Variants in ISCA1 observed in about 807,000 individuals in gnomAD.
The protein encoded by ISCA1 is iron-sulfur cluster assembly 1 homolog, mitochondrial.
ISCA1 carries 9 observed loss-of-function variants against 14.7 expected under a neutral mutation model. The observed-to-expected ratio is 0.61, with a 90% CI of 0.37 to 1.07. The LOEUF (loss-of-function observed/expected upper bound fraction) is 1.07. ISCA1 is among the 50% of genes least tolerant of loss of function. ISCA1 has a pLI of 0.01. For synonymous variants in ISCA1, 38 were observed against 54.3 expected, an observed-to-expected ratio of 0.70 and a Z score of 1.32; for missense variants, 102 against 150.1, an observed-to-expected ratio of 0.68 and a Z score of 1.67.
intron 1 of ISCA1, among the ~76,000 whole-genome samples, 187 bp from the exon 2 acceptor site, chr9:86,274,429 T>TA (rs202002275): frequency 1.7e-3 from 256 of 150,394 alleles, no homozygotes; most frequent in African/African-American, 5.8e-3. Context: ...CCTCTTTATT[T>TA]AAAAAAAAAA....
intron 2 of ISCA1, 120 bp from the exon 3 acceptor site, chr9:86,272,232 C>G: frequency 1.4e-6 from 1 of 693,272 alleles, no homozygotes; most frequent in Non-Finnish European, 2.6e-6. Context: ...TTTTGTAGGA[C>G]AGGGTCTCAC....
At position 86,265,751 on chromosome 9, in the gene ISCA1, C is replaced by G; in HGVS notation, c.*292G>C. On this transcript the variant is annotated 3_prime_UTR_variant, in exon 4 of 4. Coordinates refer to ENST00000375991, the MANE Select transcript of ISCA1 (RefSeq NM_030940.4). ...GCCATCAATAGCGATCTAAGGAGTG[C>G]ACACAGTTCAGGAAATGGATAAACA... 2.2e-6 allele frequency: 1 copy of G among 457,984 alleles called. No individual in the cohort carries two copies. Among genetic ancestry groups the G allele is most frequent in the Non-Finnish European group, 4.1e-6 (1 of 243,266 alleles). 28.4% of individuals were successfully genotyped at this position (457,984 alleles called of 1,614,324 possible).
At chr9:86,280,512 T>G (rs982899612) in intron 1 of ISCA1, among the ~76,000 whole-genome samples, 1 of 150,208 alleles carries the variant, frequency 6.7e-6, no homozygotes, top group Non-Finnish European at 1.5e-5. Context: ...AGAGAGTTGC[T>G]TGAACTCAGT....
intron 3 of ISCA1, 77 bp downstream of exon 3, chr9:86,271,930 T>C (rs564926059): frequency 5.2e-6 from 4 of 772,672 alleles, no homozygotes; most frequent in African/African-American, 1.8e-5. Context: ...ACTATCCTTA[T>C]TTTTTACTTT....
intron 3 of ISCA1, among the ~76,000 whole-genome samples, chr9:86,271,676 T>C (rs1417595793): frequency 6.6e-6 from 1 of 152,226 alleles, no homozygotes; most frequent in Non-Finnish European, 1.5e-5. Flanking sequence ...CTTTCATAGT[T>C]AAAACAAGCT....
chr9:86,277,681 T>A (rs1483484722), intron 1 of ISCA1, among the ~76,000 whole-genome samples: 1 of 152,140 alleles, frequency 6.6e-6, no homozygotes, highest in Non-Finnish European at 1.5e-5. Flanking sequence ...CCAGAACAAC[T>A]AAGAAACATG....
Position 86,266,142 on chromosome 9 carries a change from T to C in ISCA1, c.291A>G (p.Thr97=), listed in dbSNP as rs760856594. ...ATTTGTCTTCAACATAGTCCATTTC[T>C]GTTCCTAAAAGTGTTAGCTGTGCTT... ...EKKAQLTLLG[T]EMDYVEDKLS... is the part of the protein sequence containing the mutation. The change falls in exon 4 of 4, where the codon ACA becomes ACG. Residue 97 remains threonine (T), a synonymous_variant. Transcript: ENST00000375991. The C allele has an allele frequency of 2.5e-6, 4 of 1,612,452 alleles. No homozygotes were observed. The highest frequency in any genetic ancestry group is 3.4e-6 in the Non-Finnish European group (4 of 1,179,396).
At chr9:86,270,071 C>G (rs1383211244) in intron 3 of ISCA1, among the ~76,000 whole-genome samples, 2 of 151,254 alleles carry the variant, frequency 1.3e-5, no homozygotes, top group African/African-American at 4.9e-5. Context: ...GCAATGGCAA[C>G]AGAAGCCAAA....
At chr9:86,278,413 C>A (rs1416667545) in intron 1 of ISCA1, among the ~76,000 whole-genome samples, 1 of 152,026 alleles carries the variant, frequency 6.6e-6, no homozygotes, top group African/African-American at 2.4e-5. Flanking sequence ...GCCTGTAATG[C>A]CAGCACTTTG....
intron 3 of ISCA1, among the ~76,000 whole-genome samples, chr9:86,269,305 CAGAG>C (rs1264235105): frequency 6.6e-6 from 1 of 152,178 alleles, no homozygotes; most frequent in Non-Finnish European, 1.5e-5. Context: ...AACAGACAAA[CAGAG>C]AGTCAAATCA....
At chr9:86,273,592 A>G (rs1478176646) in intron 2 of ISCA1, among the ~76,000 whole-genome samples, 2 of 152,184 alleles carry the variant, frequency 1.3e-5, no homozygotes, top group African/African-American at 4.8e-5. Context: ...GTAAAAAGCA[A>G]AGTGTAACAA....
chr9:86,282,252 C>A (rs1187722135), intron 1 of ISCA1, 126 bp downstream of exon 1: 3 of 1,054,616 alleles, frequency 2.8e-6, no homozygotes, highest in African/African-American at 1.7e-5. Flanking sequence ...TGCGGCGGGT[C>A]GGAGCGACGC....
At chr9:86,275,843 T>C (rs771084679) in intron 1 of ISCA1, among the ~76,000 whole-genome samples, 9 of 152,070 alleles carry the variant, frequency 5.9e-5, no homozygotes, top group Non-Finnish European at 1.0e-4. Context: ...TATGGTTTTG[T>C]TTTTGTTTTT....
intron 1 of ISCA1, among the ~76,000 whole-genome samples, chr9:86,279,728 G>A (rs577982835): frequency 1.3e-5 from 2 of 152,170 alleles, no homozygotes; most frequent in African/African-American, 2.4e-5. Context: ...ACTGAATTAC[G>A]TATACTTTTG....
chr9:86,271,624 G>A (rs1317471789), intron 3 of ISCA1, among the ~76,000 whole-genome samples: 2 of 152,340 alleles, frequency 1.3e-5, no homozygotes, highest in East Asian at 3.8e-4. Flanking sequence ...TTGGTTCACT[G>A]TGAGGTTTAA....
Position 86,282,380 on chromosome 9 carries a change from G to T in ISCA1, c.79C>A (p.Leu27Met). ...KLQPTRAALT[L>M]TPSAVNKIKQ... is the part of the protein sequence containing the mutation. ...CGCCGCGCGCCGCGAGCACTCACCA[G>T]GGTGAGGGCTGCCCGGGTGGGCTGC... Residue 27 changes from leucine to methionine, a missense_variant and splice_region_variant, in exon 1 of 4, where the codon CTG becomes ATG. Physicochemically the swap from Leu to Met is conservative, Grantham distance 15. Coordinates refer to ENST00000375991, the MANE Select transcript of ISCA1 (RefSeq NM_030940.4). The T allele has an allele frequency of 6.5e-7, 1 of 1,548,262 alleles. No homozygotes were observed. The highest frequency in any genetic ancestry group is 1.4e-5 in the African/African-American group (1 of 73,172).
At chr9:86,273,050 C>T (rs1282392087) in intron 2 of ISCA1, among the ~76,000 whole-genome samples, 1 of 152,168 alleles carries the variant, frequency 6.6e-6, no homozygotes, top group African/African-American at 2.4e-5. Flanking sequence ...TTCTACAAAG[C>T]CGAATTCTTG....
chr9:86,280,677 A>G (rs1311921242), intron 1 of ISCA1, among the ~76,000 whole-genome samples: 1 of 151,714 alleles, frequency 6.6e-6, no homozygotes, highest in African/African-American at 2.4e-5. Flanking sequence ...GGGACCAGGC[A>G]TGGTGGCTCA....
chr9:86,276,182 T>A (rs1006249154), intron 1 of ISCA1, among the ~76,000 whole-genome samples: 16 of 151,914 alleles, frequency 1.1e-4, no homozygotes, highest in Non-Finnish European at 2.4e-4. Flanking sequence ...TGACAGATCA[T>A]CAGGCATCAT....
Sources: allele counts gnomAD v4.1 joint callset (sites outside exome capture counted in the v4.1 genomes callset), GRCh38; gene constraint gnomAD v4.1.1; transcripts MANE v1.5; gene names NCBI Gene and HGNC (gene_info 2026-07-23, HGNC 2026-07-21).